The following ZFP90 variants were observed in gnomAD, a reference collection of about 807,000 sequenced individuals.
The protein encoded by ZFP90 is ZFP90 zinc finger protein.
A neutral mutation model predicts 60.8 loss-of-function variants in ZFP90; 38 were observed. The ratio of observed to expected loss-of-function variants is 0.62; its 90% CI spans 0.48 to 0.82. The LOEUF (loss-of-function observed/expected upper bound fraction) is 0.82. Among genes scored for constraint, ZFP90 ranks in the 40% least tolerant of loss-of-function variants. The probability of loss-of-function intolerance (pLI) is 0.00; values close to 1 mark genes in which losing one functional copy is unlikely to be tolerated. For synonymous variants in ZFP90, 287 were observed against 264.8 expected (o/e 1.08, Z -0.82); for missense variants, 711 against 759.1 (o/e 0.94, Z 0.74).
intron 4 of ZFP90, among the ~76,000 whole-genome samples, chr16:68,558,781 A>G (rs36017621): frequency 0.011 from 1,653 of 152,226 alleles, 19 homozygotes; most frequent in Non-Finnish European, 0.017. Flanking sequence ...GATTCCCTTC[A>G]TTAATTAGAG....
chr16:68,565,822 C>T lies in ZFP90; in HGVS notation c.*1124C>T. 1.0e-6 allele frequency: 1 copy of T among 985,378 alleles called. No homozygotes were observed. The highest frequency in any genetic ancestry group is 1.2e-6 in the Non-Finnish European group (1 of 829,920). The allele number at this position is 985,378 out of a possible 1,614,324, so 61.0% of individuals were successfully genotyped here. ...CATTTTATGTGCAAAGAAAAGATTT[C>T]ACCATTAAAAAAATTAACTTGGCTA... On this transcript the variant is annotated 3_prime_UTR_variant, in exon 5 of 5. Transcript: ENST00000563169.
Position 68,566,119 on chromosome 16 carries a change from C to G in ZFP90, c.*1421C>G, listed in dbSNP as rs563972304. ...CTGCATTCCAGCCTGAGCAACAGAG[C>G]AAGACACACACACATCAATTTATTT... is the stretch of plus-strand genomic sequence containing the variant. On this transcript the variant is annotated 3_prime_UTR_variant, in exon 5 of 5. Coordinates refer to ENST00000563169, the MANE Select transcript of ZFP90 (RefSeq NM_001305203.2). 2.3e-6 allele frequency: 2 copies of G among 867,988 alleles called. No individual in the cohort carries two copies. The allele number at this position is 867,988 out of a possible 1,614,324, so 53.8% of individuals were successfully genotyped here.
intron 2 of ZFP90, among the ~76,000 whole-genome samples, chr16:68,556,279 A>G (rs754791757): frequency 6.7e-6 from 1 of 150,218 alleles, no homozygotes; most frequent in Non-Finnish European, 1.5e-5. Flanking sequence ...CTAGCATCAG[A>G]GCTGACAATT....
upstream of ZFP90, among the ~76,000 whole-genome samples, chr16:68,537,278 A>G (rs2090968011): frequency 6.6e-6 from 1 of 152,086 alleles, no homozygotes; most frequent in African/African-American, 2.4e-5. Flanking sequence ...GGCGCACGCC[A>G]CCACACCCTG....
At chr16:68,558,168 T>C in intron 3 of ZFP90, 44 bp downstream of exon 3, 1 of 1,605,472 alleles carries the variant, frequency 6.2e-7, no homozygotes, top group Non-Finnish European at 8.5e-7. Flanking sequence ...GATGGGCCTT[T>C]CCTTCCTTGG....
At chr16:68,541,625 A>C (rs1007724765) in intron 2 of ZFP90, among the ~76,000 whole-genome samples, 4 of 151,994 alleles carry the variant, frequency 2.6e-5, no homozygotes, top group African/African-American at 4.8e-5. Flanking sequence ...TATACTTCTT[A>C]TTATATGTTT....
chr16:68,563,079 T>C lies in ZFP90; in HGVS notation c.292T>C (p.Leu98=). The change falls in exon 5 of 5, where the codon TTG becomes CTG. Residue 98 remains leucine, a synonymous_variant. Coordinates refer to ENST00000563169, the MANE Select transcript of ZFP90 (RefSeq NM_001305203.2). ...CAGGCCTGAAGTCAAATCATCACAT[T>C]TGCAGCAGGATGTATCAGAAGTATC... is the stretch of plus-strand genomic sequence containing the variant. ...KTRPEVKSSH[L]QQDVSEVSHC... is the part of the protein sequence containing the mutation. The C allele has an allele frequency of 1.1e-5, 17 of 1,614,156 alleles. No individual in the cohort carries two copies. The highest frequency in any genetic ancestry group is 1.4e-5 in the Non-Finnish European group (17 of 1,180,016).
chr16:68,539,615 G>A, intron 1 of ZFP90, 136 bp downstream of exon 1: 1 of 623,544 alleles, frequency 1.6e-6, no homozygotes, highest in Non-Finnish European at 2.6e-6. Flanking sequence ...TTCGGGGATG[G>A]GGAGCGGCAG....
intron 2 of ZFP90, among the ~76,000 whole-genome samples, chr16:68,552,420 G>T (rs1842052013): frequency 6.6e-6 from 1 of 152,102 alleles, no homozygotes; most frequent in Admixed American, 6.6e-5. Flanking sequence ...CTAGAGAGAG[G>T]CCCAGGGAGG....
At chr16:68,549,068 T>C (rs1255357204) in intron 2 of ZFP90, among the ~76,000 whole-genome samples, 2 of 152,214 alleles carry the variant, frequency 1.3e-5, no homozygotes, top group Non-Finnish European at 2.9e-5. Flanking sequence ...ATGCTTGCTC[T>C]ATGCCAGGCA....
intron 4 of ZFP90, among the ~76,000 whole-genome samples, chr16:68,559,305 A>T (rs1432943899): frequency 6.6e-6 from 1 of 152,106 alleles, no homozygotes. Flanking sequence ...CAGAAGTCAC[A>T]TAGTTCATAT....
downstream of ZFP90, among the ~76,000 whole-genome samples, chr16:68,571,562 C>T (rs9938222): frequency 0.034 from 5,173 of 152,130 alleles, 278 homozygotes; most frequent in African/African-American, 0.12. Flanking sequence ...TACACCAGCA[C>T]ACCTGAAGGA....
chr16:68,558,466 T>C lies in ZFP90; in HGVS notation c.161-7T>C. 2 of 1,613,286 alleles carry C rather than the reference T, an allele frequency of 1.2e-6. No individual in the cohort carries two copies. Among genetic ancestry groups the C allele is most frequent in the Non-Finnish European group, 1.7e-6 (2 of 1,179,370 alleles). On this transcript the variant is annotated splice_polypyrimidine_tract_variant and splice_region_variant and intron_variant, in intron 3 of 4. Transcript: ENST00000563169. ...CAACCAAATCTTGTGTATTTACCCA[T>C]GAGCAGGATATCAAGTTTCCAAGCC...
Position 68,563,250 on chromosome 16 carries a change from T to C in ZFP90, c.463T>C (p.Phe155Leu), listed in dbSNP as rs764948599. 9.3e-6 allele frequency: 15 copies of C among 1,613,316 alleles called. No homozygotes were observed. The highest frequency in any genetic ancestry group is 2.7e-5 in the African/African-American group (2 of 74,782). ...QKKIITPQEN[F>L]EQNKFGENSR... ...GAAAATAATTACACCACAAGAAAATTTTGAGCAAAATAAATTTGGTGAAAA... is the reference window on the plus strand; with the variant it reads ...GAAAATAATTACACCACAAGAAAATCTTGAGCAAAATAAATTTGGTGAAAA... The change falls in exon 5 of 5, where the codon TTT becomes CTT. Residue 155 changes from phenylalanine (F) to leucine (L), a missense_variant. By Grantham distance (22) the Phe-to-Leu change is conservative (BLOSUM62 0). This residue lies in a region of ZFP90 where 241 missense variants were observed against 247.6 expected (regional missense o/e 0.97). Transcript: ENST00000563169.
chr16:68,536,027 C>A (rs1484689613), upstream of ZFP90, among the ~76,000 whole-genome samples: 1 of 152,200 alleles, frequency 6.6e-6, no homozygotes, highest in African/African-American at 2.4e-5. Context: ...TAGCCTCTTA[C>A]TATTGTGAAC....
chr16:68,573,413 G>T (rs2091577849), intron 2 of ZFP90, among the ~76,000 whole-genome samples: 1 of 152,228 alleles, frequency 6.6e-6, no homozygotes, highest in Non-Finnish European at 1.5e-5. Context: ...AGCAGGTCCA[G>T]GCTACAGTGA....
intron 2 of ZFP90, among the ~76,000 whole-genome samples, chr16:68,545,206 A>T (rs1482340655): frequency 6.6e-6 from 1 of 151,818 alleles, no homozygotes; most frequent in Non-Finnish European, 1.5e-5. Context: ...ATATTCTTAC[A>T]TGGAATGGAG....
upstream of ZFP90, among the ~76,000 whole-genome samples, chr16:68,537,124 T>G (rs953636775): frequency 2.4e-5 from 2 of 84,026 alleles, no homozygotes; most frequent in African/African-American, 1.2e-4. Context: ...GTTTTGTTGT[T>G]GTTGGGCTTT....
Position 68,539,461 on chromosome 16 carries a change from C to T in ZFP90, c.-54C>T, listed in dbSNP as rs1205078356. The T allele has an allele frequency of 2.5e-6, 1 of 395,412 alleles. No homozygotes were observed. The highest frequency in any genetic ancestry group is 4.5e-6 in the Non-Finnish European group (1 of 221,618). 24.5% of individuals were successfully genotyped at this position (395,412 alleles called of 1,614,324 possible). A position where few individuals can be genotyped will look rare whatever the true frequency, so the allele number is the denominator to read the frequency against. On this transcript the variant is annotated 5_prime_UTR_variant, in exon 1 of 5. Transcript: ENST00000563169. Reference sequence around the variant, plus strand: ...CGGAGGTCGCGAAATCCGGAGCCCCCCAGAGGCGGTGATTCTGAGTGCGCG... The same window carrying T: ...CGGAGGTCGCGAAATCCGGAGCCCCTCAGAGGCGGTGATTCTGAGTGCGCG...
Sources: gnomAD v4.1 joint callset for allele counts (sites outside exome capture counted in the v4.1 genomes callset) on GRCh38, gnomAD v4.1.1 for gene constraint, gnomAD v4.1.1 regional missense constraint, MANE v1.5 for transcripts, NCBI Gene and HGNC (gene_info 2026-07-23, HGNC 2026-07-21) for gene names.